CLCNKB: variants seen among roughly 807,000 people sequenced by gnomAD.
CLCNKB encodes the protein chloride channel protein ClC-Kb.
Under a neutral mutation model 83.8 loss-of-function variants are expected in CLCNKB, and 74 were observed. The observed-to-expected ratio is 0.88, with a 90% CI of 0.73 to 1.07. The LOEUF is 1.07. Among genes scored for constraint, CLCNKB ranks in the 50% least tolerant of loss-of-function variants. The pLI is 0.00. For synonymous variants in CLCNKB, 358 were observed against 356.6 expected, an observed-to-expected ratio of 1.00 and a Z score of -0.04; for missense variants, 798 against 893.6, an observed-to-expected ratio of 0.89 and a Z score of 1.36.
intron 15 of CLCNKB, among the ~76,000 whole-genome samples, chr1:16,052,654 GC>G (rs1260388099): frequency 6.6e-6 from 1 of 152,174 alleles, no homozygotes; most frequent in African/African-American, 2.4e-5. Context: ...GATGAGTATT[GC>G]CCCGTGTACA....
chr1:16,053,607 G>C (rs752448141), intron 15 of CLCNKB, 32 bp from the exon 16 acceptor site: 41 of 1,613,620 alleles, frequency 2.5e-5, no homozygotes, highest in Admixed American at 5.0e-5. Context: ...ATCCCTGACT[G>C]TGGGGCCTGA....
chr1:16,053,116 A>G (rs542958121), intron 15 of CLCNKB, among the ~76,000 whole-genome samples: 8 of 151,998 alleles, frequency 5.3e-5, no homozygotes, highest in Admixed American at 3.3e-4. Context: ...TGCAACCTCA[A>G]CCTCCCAGGT....
At chr1:16,052,458 G>T in intron 15 of CLCNKB, 47 bp downstream of exon 15, 1 of 1,609,858 alleles carries the variant, frequency 6.2e-7, no homozygotes, top group South Asian at 1.1e-5. Flanking sequence ...CACAGTGTTT[G>T]GGAAGGGCTG....
intron 8 of CLCNKB, 121 bp from the exon 9 acceptor site, chr1:16,049,497 G>T: frequency 6.7e-7 from 1 of 1,484,556 alleles, no homozygotes. Flanking sequence ...GGCCTGGAAT[G>T]CCAGGACACA....
chr1:16,053,502 C>G, intron 15 of CLCNKB, 137 bp from the exon 16 acceptor site: 1 of 1,286,418 alleles, frequency 7.8e-7, no homozygotes, highest in Admixed American at 1.9e-5. Flanking sequence ...GTCCCTCATT[C>G]CAGGAACCTC....
chr1:16,051,759 T>C lies in CLCNKB; in HGVS notation c.1347T>C (p.Pro449=). The change falls in exon 14 of 20, where the codon CCT becomes CCC. Residue 449 remains proline, a synonymous_variant. Transcript: ENST00000375679. ...GGGAGACTCTCTCTTTTATCTTCCCTGAGGGCATCGTGGCTGGAGGGATCA... is the reference window on the plus strand; with the variant it reads ...GGGAGACTCTCTCTTTTATCTTCCCCGAGGGCATCGTGGCTGGAGGGATCA... ...LFGETLSFIF[P]EGIVAGGITN... is the part of the protein sequence containing the mutation. 6.2e-7 allele frequency: 1 copy of C among 1,613,880 alleles called. No homozygotes were observed. Among genetic ancestry groups the C allele is most frequent in the East Asian group, 2.2e-5 (1 of 44,878 alleles).
At chr1:16,050,449 C>A (rs911001307) in intron 10 of CLCNKB, 67 bp from the exon 11 acceptor site, 2 of 1,549,356 alleles carry the variant, frequency 1.3e-6, no homozygotes, top group Non-Finnish European at 1.8e-6. Context: ...CTTGCTAGGC[C>A]CTGCTTCCCT....
chr1:16,056,354 G>A lies in CLCNKB; in HGVS notation c.1930-68G>A, dbSNP rs550491470. On this transcript the variant is annotated intron_variant, in intron 18 of 19. Transcript: ENST00000375679. ...CCCCTCTTCCTGGCTCAGAGGCGTG[G>A]TGGAGTGGGCTAGAGGGTGGGCTGG... 5.4e-6 allele frequency: 8 copies of A among 1,486,862 alleles called. No individual in the cohort carries two copies. In the East Asian group the frequency reaches 1.8e-4, roughly 34 times the overall value. The allele number at this position is 1,486,862 out of a possible 1,614,324, so 92.1% of individuals were successfully genotyped here. A position where few individuals can be genotyped will look rare whatever the true frequency, so the allele number is the denominator to read the frequency against.
rs373877250 is a variant in CLCNKB at position 16,050,533 on chromosome 1, C to T, written c.986C>T (p.Ala329Val). The T allele has an allele frequency of 8.1e-6, 13 of 1,614,018 alleles. No individual in the cohort carries two copies. The highest frequency in any genetic ancestry group is 1.6e-4 in the Middle Eastern group (1 of 6,084). The change falls in exon 11 of 20, where the codon GCT becomes GTT. Residue 329 changes from alanine (A) to valine (V), a missense_variant. By Grantham distance (64) the Ala-to-Val change is moderately conservative. Coordinates refer to ENST00000375679, the MANE Select transcript of CLCNKB (RefSeq NM_000085.5). ...LLATSKPVYSALATLVLASIT... is the reference protein window; with the variant it reads ...LLATSKPVYSVLATLVLASIT... The stretch of plus-strand genomic sequence containing the variant: ...CCCCACAGCAAGCCTGTGTACTCCG[C>T]TCTGGCCACCTTGGTTCTCGCCTCC...
At position 16,044,176 on chromosome 1, in the gene CLCNKB, G is replaced by A. The variant is rs566351480; in HGVS notation, c.-8+296G>A. ...CAGGAGGGTGGGAGCGGCTGCCACC[G>A]AAGGGGAAGGGGCTCTGAGCAGGGC... On this transcript the variant is annotated intron_variant, in intron 1 of 19. Transcript: ENST00000375679. Among the ~76,000 whole-genome samples, 50 of 152,064 alleles carry A rather than the reference G, an allele frequency of 3.3e-4. 1 individual carries two copies. The South Asian group carries it at 3.8e-3, about 11-fold the overall frequency.
At position 16,045,668 on chromosome 1, in the gene CLCNKB, G is replaced by A; in HGVS notation, c.211G>A (p.Val71Ile). Residue 71 changes from valine to isoleucine, a missense_variant, in exon 3 of 20, where the codon GTT (valine) becomes ATT (isoleucine). Transcript: ENST00000375679. Reference sequence around the variant, plus strand: ...GGTCAGCTGTGCCATGGACTTGGCTGTTGAGAGTGTGGTCCGAGGTAACCC... The same window carrying A: ...GGTCAGCTGTGCCATGGACTTGGCTATTGAGAGTGTGGTCCGAGGTAACCC... ...ALVSCAMDLA[V>I]ESVVRAHQWL... The A allele has an allele frequency of 6.2e-7, 1 of 1,612,312 alleles. No homozygotes were observed. Among genetic ancestry groups the A allele is most frequent in the East Asian group, 2.2e-5 (1 of 44,742 alleles).
chr1:16,050,572 C>T lies in CLCNKB; in HGVS notation c.1025C>T (p.Pro342Leu). Residue 342 changes from proline to leucine, a missense_variant, in exon 11 of 20, where the codon CCC (proline) becomes CTC (leucine). By Grantham distance (98) the Pro-to-Leu change is moderately conservative. Transcript: ENST00000375679. ...GTTCTCGCCTCCATCACCTACCCAC[C>T]CAGCGCCGGCCGCTTCCTAGCTTCT... ...TLVLASITYP[P>L]SAGRFLASRL... 1.2e-6 allele frequency: 2 copies of T among 1,614,138 alleles called. No homozygotes were observed. Among genetic ancestry groups the T allele is most frequent in the Non-Finnish European group, 8.5e-7 (1 of 1,180,014 alleles).
intron 4 of CLCNKB, 42 bp downstream of exon 4, chr1:16,046,705 C>T: frequency 9.5e-6 from 1 of 104,732 alleles, no homozygotes; most frequent in Non-Finnish European, 1.7e-5. Flanking sequence ...TGGCCAAAAC[C>T]TTCTCAGATC....
intron 18 of CLCNKB, 150 bp downstream of exon 18, chr1:16,055,908 A>C (rs2023424417): frequency 1.3e-6 from 1 of 747,162 alleles, no homozygotes; most frequent in Non-Finnish European, 2.3e-6. Flanking sequence ...CCTCATCAGC[A>C]GACTGGGCAA....
intron 2 of CLCNKB, 127 bp downstream of exon 2, chr1:16,044,719 C>T (rs562549002): frequency 1.4e-5 from 11 of 792,528 alleles, no homozygotes; most frequent in African/African-American, 1.2e-4. Flanking sequence ...ACATGACTGC[C>T]CAAAGTCTCC....
intron 2 of CLCNKB, among the ~76,000 whole-genome samples, 167 bp from the exon 3 acceptor site, chr1:16,045,391 C>G (rs529782375): frequency 1.3e-3 from 194 of 152,308 alleles, no homozygotes; most frequent in Non-Finnish European, 2.1e-3. Context: ...CAAATCCTGC[C>G]CGGCCACTTA....
rs925487065 is a variant in CLCNKB at position 16,050,495 on chromosome 1, G to C, written c.969-21G>C. ...TGTGGGAAAGGGAGGGCCAGCCCTA[G>C]AGCCCACCCATCCCCCACAGCAAGC... On this transcript the variant is annotated intron_variant, in intron 10 of 19. Transcript: ENST00000375679. 4 of 1,613,106 alleles carry C rather than the reference G, an allele frequency of 2.5e-6. No individual in the cohort carries two copies. The African/African-American group carries it at 5.3e-5, about 22-fold the overall frequency.
chr1:16,055,556 G>T (rs764457470), intron 17 of CLCNKB, 33 bp downstream of exon 17: 93 of 1,485,194 alleles, frequency 6.3e-5, no homozygotes, highest in Non-Finnish European at 8.0e-5. Flanking sequence ...GGGATGGGGC[G>T]GGGGTGGGTC....
intron 16 of CLCNKB, among the ~76,000 whole-genome samples, chr1:16,054,263 A>G (rs940966015): frequency 1.3e-5 from 2 of 152,172 alleles, no homozygotes; most frequent in Admixed American, 6.5e-5. Context: ...TGCATTTAGA[A>G]GATAAGGCGG....
Sources: allele counts gnomAD v4.1 joint callset (sites outside exome capture counted in the v4.1 genomes callset), GRCh38; gene constraint gnomAD v4.1.1; transcripts MANE v1.5; gene names NCBI Gene and HGNC (gene_info 2026-07-23, HGNC 2026-07-21).